EXOC3: variants seen among roughly 807,000 people sequenced by gnomAD.
The protein encoded by EXOC3 is SEC6-like 1.
EXOC3 carries 21 observed loss-of-function variants against 73.7 expected under a neutral mutation model. The ratio of observed to expected loss-of-function variants is 0.29; its 90% CI spans 0.20 to 0.41. The LOEUF is 0.41. Among genes scored for constraint, EXOC3 ranks in the 10% least tolerant of loss-of-function variants. EXOC3 has a pLI of 1.00. For missense variants in EXOC3, 842 were observed against 985.1 expected (o/e 0.85, Z 1.95); for synonymous variants, 410 against 389.1 (o/e 1.05, Z -0.63).
chr5:457,280 T>G (rs1737846699), intron 5 of EXOC3: 2 of 463,360 alleles, frequency 4.3e-6, no homozygotes, highest in East Asian at 8.2e-5. Flanking sequence ...CCAGAACGTC[T>G]GAACCGTGTG....
At chr5:446,029 T>G (rs1206802355) in intron 1 of EXOC3, 121 bp from the exon 2 acceptor site, 6 of 664,724 alleles carry the variant, frequency 9.0e-6, no homozygotes, top group Non-Finnish European at 1.6e-5. Flanking sequence ...TAGTTCAGCT[T>G]TCTTTGAGGT....
chr5:447,591 C>T lies in EXOC3; in HGVS notation c.203C>T (p.Ala68Val), dbSNP rs753116675. ...ACAGGCCTCAGCCAGCTCCACAACG[C>T]CCTGAATGACGTCAAAGACATCCAG... is the stretch of plus-strand genomic sequence containing the variant. ...VRTGLSQLHNALNDVKDIQQS... is the reference protein window; with the variant it reads ...VRTGLSQLHNVLNDVKDIQQS... Residue 68 changes from alanine (A) to valine (V), a missense_variant, in exon 3 of 13, where the codon GCC becomes GTC. Physicochemically the swap from Ala to Val is moderately conservative, Grantham distance 64. Coordinates refer to ENST00000512944, the MANE Select transcript of EXOC3 (RefSeq NM_007277.5). 1 of 1,591,006 alleles carries T rather than the reference C, an allele frequency of 6.3e-7. No homozygotes were observed. Among genetic ancestry groups the T allele is most frequent in the East Asian group, 2.3e-5 (1 of 43,358 alleles).
chr5:466,303 C>G, intron 12 of EXOC3: 1 of 243,246 alleles, frequency 4.1e-6, no homozygotes, highest in East Asian at 9.9e-5. Flanking sequence ...CACGCACGTC[C>G]CCCCTCCACC....
chr5:449,499 C>G (rs1737596529), intron 3 of EXOC3, among the ~76,000 whole-genome samples: 1 of 152,234 alleles, frequency 6.6e-6, no homozygotes. Flanking sequence ...CCTTCTGTCT[C>G]TGTGAATTGG....
intron 5 of EXOC3, 117 bp downstream of exon 5, chr5:457,123 A>G (rs1010696133): frequency 7.0e-6 from 5 of 716,868 alleles, no homozygotes; most frequent in Non-Finnish European, 1.2e-5. Flanking sequence ...CCTAGGATGC[A>G]TTGCTCAGTT....
Position 456,948 on chromosome 5 carries a change from C to T in EXOC3, c.1106C>T (p.Pro369Leu). Residue 369 changes from proline (P) to leucine (L), a missense_variant, in exon 5 of 13, where the codon CCA becomes CTA. Physicochemically the swap from Pro to Leu is moderately conservative, Grantham distance 98 (BLOSUM62 -3). Transcript: ENST00000512944. The stretch of plus-strand genomic sequence containing the variant: ...GAAGTGGATGTCGGCACCCTGGAGC[C>T]ATTGCTTTCTCCACACGTGGTCTCT... ...APEVDVGTLEPLLSPHVVSEL... is the reference protein window; with the variant it reads ...APEVDVGTLELLLSPHVVSEL... 6.2e-7 allele frequency: 1 copy of T among 1,614,046 alleles called. No individual in the cohort carries two copies. Among genetic ancestry groups the T allele is most frequent in the Admixed American group, 1.7e-5 (1 of 60,032 alleles).
intron 8 of EXOC3, 35 bp from the exon 9 acceptor site, chr5:462,122 A>G (rs1738005171): frequency 1.2e-6 from 2 of 1,611,140 alleles, no homozygotes; most frequent in Non-Finnish European, 1.7e-6. Context: ...CGGCCTGCCC[A>G]GCCGCTGTGT....
At position 458,671 on chromosome 5, in the gene EXOC3, T is replaced by C. The variant is rs562706420; in HGVS notation, c.1290+646T>C. Reference sequence around the variant, plus strand: ...TTCACTTTCCAGTGTCCGACCGCCCTGTGTCCCGTTTTTCCTGCTCTTTTT... The same window carrying C: ...TTCACTTTCCAGTGTCCGACCGCCCCGTGTCCCGTTTTTCCTGCTCTTTTT... On this transcript the variant is annotated intron_variant, in intron 6 of 12. Coordinates refer to ENST00000512944, the MANE Select transcript of EXOC3 (RefSeq NM_007277.5). 1.4e-4 allele frequency among the ~76,000 whole-genome samples: 22 copies of C among 152,376 alleles called. 1 individual carries two copies. In the South Asian group the frequency reaches 4.6e-3, roughly 32 times the overall value.
chr5:462,084 G>A lies in EXOC3; in HGVS notation c.1502+14G>A. The stretch of plus-strand genomic sequence containing the variant: ...CCAGACCTTCAAGTGAGTGTGGCCG[G>A]GCGCTGTGGCGGGGGAGCGGTGGAG... On this transcript the variant is annotated intron_variant, in intron 8 of 12. Coordinates refer to ENST00000512944, the MANE Select transcript of EXOC3 (RefSeq NM_007277.5). The A allele has an allele frequency of 6.2e-7, 1 of 1,609,954 alleles. No individual in the cohort carries two copies. Among genetic ancestry groups the A allele is most frequent in the East Asian group, 2.2e-5 (1 of 44,754 alleles).
At chr5:465,436 TCCACA>T (rs1738115346) in intron 11 of EXOC3, among the ~76,000 whole-genome samples, 164 bp downstream of exon 11, 1 of 152,210 alleles carries the variant, frequency 6.6e-6, no homozygotes, top group African/African-American at 2.4e-5. Flanking sequence ...GACACGAATG[TCCACA>T]GAGGTAGACG....
At chr5:460,231 A>G (rs1162499464) in intron 7 of EXOC3, among the ~76,000 whole-genome samples, 1 of 152,218 alleles carries the variant, frequency 6.6e-6, no homozygotes, top group Non-Finnish European at 1.5e-5. Context: ...ATGAGGGCTT[A>G]GGGTTCCTAG....
intron 1 of EXOC3, among the ~76,000 whole-genome samples, chr5:445,802 G>C (rs1228099682): frequency 6.6e-6 from 1 of 152,156 alleles, no homozygotes; most frequent in African/African-American, 2.4e-5. Flanking sequence ...GGTGCTGGGG[G>C]AAAGCTCCCG....
chr5:447,752 G>A lies in EXOC3; in HGVS notation c.364G>A (p.Val122Met). Residue 122 changes from valine to methionine, a missense_variant and splice_region_variant, in exon 3 of 13, where the codon GTG (valine) becomes ATG (methionine). Transcript: ENST00000512944. ...AVENLKNIFS[V>M]PEIVRETQDL... ...GGAGAACCTCAAGAACATCTTCTCA[G>A]GTACCAGCCAGACGCCGAGGCACTT... 6.5e-7 allele frequency: 1 copy of A among 1,547,692 alleles called. No homozygotes were observed. The highest frequency in any genetic ancestry group is 1.2e-5 in the South Asian group (1 of 83,464).
In EXOC3 at chr5:453,997, T is replaced by C. The variant is rs1424243234; in HGVS notation, c.992T>C (p.Leu331Pro). The C allele has an allele frequency of 2.5e-6, 4 of 1,613,428 alleles. No individual in the cohort carries two copies. Among genetic ancestry groups the C allele is most frequent in the African/African-American group, 2.7e-5 (2 of 74,930 alleles). Residue 331 changes from leucine to proline, a missense_variant, in exon 4 of 13, where the codon CTG (leucine) becomes CCG (proline). Physicochemically the swap from Leu to Pro is moderately conservative, Grantham distance 98. Transcript: ENST00000512944. ...TRMQDLASEDLEANEIVSLLT... is the reference protein window; with the variant it reads ...TRMQDLASEDPEANEIVSLLT... Reference sequence around the variant, plus strand: ...ATGCAGGACCTCGCATCGGAAGACCTGGAAGCCAATGAGATCGTGAGCCTC... The same window carrying C: ...ATGCAGGACCTCGCATCGGAAGACCCGGAAGCCAATGAGATCGTGAGCCTC...
chr5:445,545 A>G (rs1325908274), intron 1 of EXOC3, among the ~76,000 whole-genome samples: 3 of 152,144 alleles, frequency 2.0e-5, no homozygotes, highest in African/African-American at 7.2e-5. Context: ...TAGTAGATAC[A>G]GGGTTTCACC....
intron 2 of EXOC3, 60 bp downstream of exon 2, chr5:446,409 C>G: frequency 3.4e-6 from 5 of 1,463,864 alleles, no homozygotes; most frequent in Non-Finnish European, 4.6e-6. Context: ...TGCTTGACAT[C>G]ACCATGATGA....
rs78311950 is a variant in EXOC3, at chr5:466,026, T to C, written c.2066+181T>C. On this transcript the variant is annotated intron_variant, in intron 12 of 12. Transcript: ENST00000512944. ...GAGCAGAGCTGCTTCTGTGCTGCCT[T>C]CCACCTGGCCTGGGCTACAGTGTGG... 4,235 of 525,108 alleles carry C rather than the reference T, an allele frequency of 8.1e-3. 144 individuals carry two copies. The highest frequency in any genetic ancestry group is 0.07 in the African/African-American group (3,572 of 51,050). The allele number at this position is 525,108 out of a possible 1,614,324, so 32.5% of individuals were successfully genotyped here.
In EXOC3 at chr5:456,917, GC is replaced by G; in HGVS notation, c.1079del (p.Pro360ArgfsTer83). ...STEMMRNVEL[A>X]PEVDVGTLEP... ...TGAGATGATGAGGAACGTGGAGCTG[GC>G]CCCGGAAGTGGATGTCGGCACCCTG... is the stretch of plus-strand genomic sequence containing the variant. On this transcript the variant is annotated frameshift_variant, in exon 5 of 13. Coordinates refer to ENST00000512944, the MANE Select transcript of EXOC3 (RefSeq NM_007277.5). LOFTEE classifies it high-confidence loss of function. 6.2e-7 allele frequency: 1 copy of G among 1,614,016 alleles called. No individual in the cohort carries two copies. The highest frequency in any genetic ancestry group is 8.5e-7 in the Non-Finnish European group (1 of 1,179,866).
At position 457,912 on chromosome 5, in the gene EXOC3, G is replaced by A. The variant is rs774363465; in HGVS notation, c.1177G>A (p.Ala393Thr). 2.3e-5 allele frequency: 37 copies of A among 1,607,238 alleles called. No individual in the cohort carries two copies. The highest frequency in any genetic ancestry group is 1.6e-4 in the Middle Eastern group (1 of 6,084). The change falls in exon 6 of 13, where the codon GCC becomes ACC. Residue 393 changes from alanine (A) to threonine (T), a missense_variant. Transcript: ENST00000512944. The part of the protein sequence containing the change: ...YMSTLTSNII[A>T]WLRKALETDK... Reference sequence around the variant, plus strand: ...GAACTTTCTTTAGTCAAACATCATCGCCTGGCTGCGGAAAGCGCTGGAGAC... The same window carrying A: ...GAACTTTCTTTAGTCAAACATCATCACCTGGCTGCGGAAAGCGCTGGAGAC...
Sources: allele counts gnomAD v4.1 joint callset (sites outside exome capture counted in the v4.1 genomes callset), GRCh38; gene constraint gnomAD v4.1.1; transcripts MANE v1.5; gene names NCBI Gene and HGNC (gene_info 2026-07-23, HGNC 2026-07-21).